The following PDE4B variants were observed in gnomAD, a reference collection of about 807,000 sequenced individuals.
The protein encoded by PDE4B is phosphodiesterase 4B, also known as 3',5'-cyclic-AMP phosphodiesterase 4B.
In PDE4B, 20 loss-of-function variants were observed where a neutral mutation model predicts 82.2. That is an observed-to-expected ratio of 0.24 (90% CI 0.17 to 0.35). The LOEUF (loss-of-function observed/expected upper bound fraction) is 0.35. PDE4B is among the 10% of genes least tolerant of loss of function. The pLI is 1.00. For synonymous variants in PDE4B, 320 were observed against 318.9 expected, an observed-to-expected ratio of 1.00 and a Z score of -0.04; for missense variants, 655 against 907.2, an observed-to-expected ratio of 0.72 and a Z score of 3.57.
intron 3 of PDE4B, among the ~76,000 whole-genome samples, chr1:66,062,559 A>G (rs1271448130): frequency 2.0e-5 from 3 of 152,064 alleles, no homozygotes; most frequent in Admixed American, 2.0e-4. Context: ...ACAAATAGAG[A>G]TTATAGTGAA....
intron 3 of PDE4B, among the ~76,000 whole-genome samples, chr1:66,043,995 A>G (rs551768049): frequency 1.3e-5 from 2 of 151,874 alleles, no homozygotes; most frequent in South Asian, 2.1e-4. Flanking sequence ...ATGGGAGGAC[A>G]TTGAGAATCA....
intron 3 of PDE4B, among the ~76,000 whole-genome samples, chr1:66,183,453 G>A (rs1310712632): frequency 6.6e-6 from 1 of 152,064 alleles, no homozygotes; most frequent in Non-Finnish European, 1.5e-5. Context: ...GCAAAAGAAT[G>A]TTCTCCTTTT....
At chr1:66,126,128 A>C (rs1335314799) in intron 3 of PDE4B, among the ~76,000 whole-genome samples, 2 of 152,188 alleles carry the variant, frequency 1.3e-5, no homozygotes, top group Non-Finnish European at 2.9e-5. Context: ...TTAAGTGATA[A>C]AAGTTCAGGG....
At chr1:66,364,326 T>C (rs953085014) in intron 12 of PDE4B, among the ~76,000 whole-genome samples, 2 of 152,204 alleles carry the variant, frequency 1.3e-5, no homozygotes, top group Non-Finnish European at 2.9e-5. Flanking sequence ...GAATTAATGA[T>C]GCTGAAACAA....
intron 3 of PDE4B, among the ~76,000 whole-genome samples, chr1:66,034,502 A>T (rs1268638506): frequency 6.6e-6 from 1 of 152,188 alleles, no homozygotes; most frequent in East Asian, 1.9e-4. Flanking sequence ...CTCTAGTTTT[A>T]GGCTACAGTG....
chr1:66,086,172 C>T (rs1031122677), intron 3 of PDE4B, among the ~76,000 whole-genome samples: 3 of 152,092 alleles, frequency 2.0e-5, no homozygotes, highest in Non-Finnish European at 4.4e-5. Flanking sequence ...TAATGAAAAA[C>T]ACCCCATCCC....
intron 3 of PDE4B, among the ~76,000 whole-genome samples, chr1:66,087,337 G>T (rs754258958): frequency 2.2e-4 from 33 of 152,040 alleles, no homozygotes; most frequent in Non-Finnish European, 4.0e-4. Flanking sequence ...TTTTTGATGG[G>T]GTTGTTTGTT....
intron 1 of PDE4B, among the ~76,000 whole-genome samples, chr1:65,872,270 G>A (rs936492710): frequency 3.9e-5 from 6 of 152,056 alleles, no homozygotes; most frequent in African/African-American, 1.2e-4. Flanking sequence ...TCACATTTAC[G>A]AGTGATAAAA....
chr1:66,038,555 G>GA (rs35465487), intron 3 of PDE4B, among the ~76,000 whole-genome samples: 1 of 151,948 alleles, frequency 6.6e-6, no homozygotes, highest in South Asian at 2.1e-4. Context: ...ACATATGGAG[G>GA]AAAAAAAGAT....
At chr1:65,944,195 G>T (rs1289440120) in intron 3 of PDE4B, among the ~76,000 whole-genome samples, 1 of 151,828 alleles carries the variant, frequency 6.6e-6, no homozygotes, top group African/African-American at 2.4e-5. Flanking sequence ...ATTTTATTAT[G>T]GAAGATTTTT....
chr1:65,867,871 T>G (rs1646529379), intron 1 of PDE4B, among the ~76,000 whole-genome samples: 1 of 152,218 alleles, frequency 6.6e-6, no homozygotes, highest in Non-Finnish European at 1.5e-5. Flanking sequence ...AGATACATAC[T>G]TGATCTTACC....
At chr1:65,910,522 T>C (rs1038429201) in intron 1 of PDE4B, among the ~76,000 whole-genome samples, 4 of 152,144 alleles carry the variant, frequency 2.6e-5, no homozygotes, top group Non-Finnish European at 5.9e-5. Context: ...TAGTAGGAAA[T>C]AGATTGTTCT....
intron 3 of PDE4B, among the ~76,000 whole-genome samples, chr1:65,989,769 A>G (rs1411623166): frequency 6.6e-6 from 1 of 151,934 alleles, no homozygotes; most frequent in Non-Finnish European, 1.5e-5. Context: ...CAAATAGTAT[A>G]CTTTGCTGAA....
chr1:66,355,576 G>C lies in PDE4B; in HGVS notation c.797G>C (p.Arg266Pro). Residue 266 changes from arginine (R) to proline (P), a missense_variant, in exon 9 of 17, where the codon CGA (arginine) becomes CCA (proline). By Grantham distance (103) the Arg-to-Pro change is moderately radical. Coordinates refer to ENST00000341517, the MANE Select transcript of PDE4B (RefSeq NM_002600.4). Reference sequence around the variant, plus strand: ...CTGACACACCTCTCAGAGATGAGCCGATCAGGGAACCAGGTGTCTGAATAC... The same window carrying C: ...CTGACACACCTCTCAGAGATGAGCCCATCAGGGAACCAGGTGTCTGAATAC... ...RELTHLSEMS[R>P]SGNQVSEYIS... 2 of 1,612,360 alleles carry C rather than the reference G, an allele frequency of 1.2e-6. No homozygotes were observed. The highest frequency in any genetic ancestry group is 1.1e-5 in the South Asian group (1 of 90,924).
chr1:65,972,049 C>T (rs1569855576), intron 3 of PDE4B, among the ~76,000 whole-genome samples: 1 of 152,100 alleles, frequency 6.6e-6, no homozygotes, highest in Non-Finnish European at 1.5e-5. Context: ...TTTTCCTAGG[C>T]AGACTAGGTA....
intron 3 of PDE4B, among the ~76,000 whole-genome samples, chr1:66,139,194 C>T (rs1446907709): frequency 6.6e-6 from 1 of 152,190 alleles, no homozygotes; most frequent in Non-Finnish European, 1.5e-5. Flanking sequence ...CTTGAAATCT[C>T]CAAGCCAAAA....
At chr1:65,916,814 G>T (rs547275661) in intron 2 of PDE4B, among the ~76,000 whole-genome samples, 1 of 151,992 alleles carries the variant, frequency 6.6e-6, no homozygotes, top group South Asian at 2.1e-4. Flanking sequence ...CAATGGATTT[G>T]ATATAATAAC....
intron 3 of PDE4B, among the ~76,000 whole-genome samples, chr1:66,136,183 C>A (rs1646051490): frequency 6.6e-6 from 1 of 152,182 alleles, no homozygotes; most frequent in Admixed American, 6.5e-5. Context: ...TAGTACCACC[C>A]TAATCTAAGA....
chr1:66,136,112 T>A (rs557557083), intron 3 of PDE4B, among the ~76,000 whole-genome samples: 1 of 152,294 alleles, frequency 6.6e-6, no homozygotes, highest in African/African-American at 2.4e-5. Context: ...TTAGGCTGGC[T>A]ACTTACAGCC....
Sources: allele counts gnomAD v4.1 joint callset (sites outside exome capture counted in the v4.1 genomes callset), GRCh38; gene constraint gnomAD v4.1.1; transcripts MANE v1.5; gene names NCBI Gene and HGNC (gene_info 2026-07-23, HGNC 2026-07-21).